Variants in ZNF346 observed in about 807,000 individuals in gnomAD.
The protein encoded by ZNF346 is zinc finger protein 346.
ZNF346 carries 23 observed loss-of-function variants against 33.7 expected under a neutral mutation model. That is an observed-to-expected ratio of 0.68 (90% CI 0.49 to 0.97). The LOEUF (loss-of-function observed/expected upper bound fraction) is 0.97, where lower values mean the gene tolerates loss of function less well. Among genes scored for constraint, ZNF346 ranks in the 50% least tolerant of loss-of-function variants. The pLI is 0.00. For missense variants in ZNF346, 340 were observed against 371.1 expected (o/e 0.92, Z 0.69); for synonymous variants, 134 against 142.4 (o/e 0.94, Z 0.42).
chr5:177,064,988 C>T lies in ZNF346; in HGVS notation c.*389C>T, dbSNP rs921266225. The T allele has an allele frequency of 1.7e-5, 3 of 173,886 alleles. No individual in the cohort carries two copies. Among genetic ancestry groups the T allele is most frequent in the Admixed American group, 6.1e-5 (1 of 16,466 alleles). The allele number at this position is 173,886 out of a possible 1,614,324, so 10.8% of individuals were successfully genotyped here. A position where few individuals can be genotyped will look rare whatever the true frequency, so the allele number is the denominator to read the frequency against. On this transcript the variant is annotated 3_prime_UTR_variant, in exon 7 of 7. Transcript: ENST00000358149. Reference sequence around the variant, plus strand: ...AGCAGAGATCTCTCTGGGCCCTAGACATTTCCAGCAAAACCTGGAACTTTC... The same window carrying T: ...AGCAGAGATCTCTCTGGGCCCTAGATATTTCCAGCAAAACCTGGAACTTTC...
At chr5:177,054,506 C>A (rs1562016164) in intron 5 of ZNF346, among the ~76,000 whole-genome samples, 1 of 152,116 alleles carries the variant, frequency 6.6e-6, no homozygotes, top group Non-Finnish European at 1.5e-5. Flanking sequence ...TCAAGCAATT[C>A]TCCTGCCTCA....
rs1203967630 is a variant in ZNF346, at chr5:177,065,411, G to A, written c.*812G>A. The A allele has an allele frequency of 2.0e-5, 3 of 152,662 alleles. No homozygotes were observed. Among genetic ancestry groups the A allele is most frequent in the Non-Finnish European group, 2.9e-5 (2 of 68,082 alleles). The allele number at this position is 152,662 out of a possible 1,614,324, so 9.5% of individuals were successfully genotyped here. On this transcript the variant is annotated 3_prime_UTR_variant, in exon 7 of 7. Coordinates refer to ENST00000358149, the MANE Select transcript of ZNF346 (RefSeq NM_012279.4). ...TGCCCCACATGCAAGTCTCCCTGAG[G>A]GTTCTGCCCCTAAAGGCAGACTGCC...
At chr5:177,042,603 C>T (rs1341626452) in intron 3 of ZNF346, among the ~76,000 whole-genome samples, 2 of 152,232 alleles carry the variant, frequency 1.3e-5, no homozygotes, top group Non-Finnish European at 2.9e-5. Context: ...CTATAGACTG[C>T]TACCTCCTAT....
intron 8 of ZNF346, among the ~76,000 whole-genome samples, chr5:177,075,168 A>G (rs1295811431): frequency 6.6e-6 from 1 of 152,030 alleles, no homozygotes; most frequent in African/African-American, 2.4e-5. Flanking sequence ...TGGGAGGCCA[A>G]AGCAGGTGGA....
chr5:177,036,518 C>T (rs974221780), intron 1 of ZNF346, among the ~76,000 whole-genome samples: 2 of 152,066 alleles, frequency 1.3e-5, no homozygotes, highest in South Asian at 2.1e-4. Context: ...ACCCTTCCCA[C>T]GAGGTCCTTT....
chr5:177,046,671 A>G (rs572347159), intron 4 of ZNF346, among the ~76,000 whole-genome samples: 1 of 152,330 alleles, frequency 6.6e-6, no homozygotes, highest in East Asian at 1.9e-4. Flanking sequence ...CCATTCACAG[A>G]TAAACACTGT....
At chr5:177,059,620 C>T (rs1405428430) in intron 5 of ZNF346, among the ~76,000 whole-genome samples, 1 of 152,234 alleles carries the variant, frequency 6.6e-6, no homozygotes, top group Non-Finnish European at 1.5e-5. Context: ...TCCTCTGCTT[C>T]ACCCCATTAC....
chr5:177,050,570 G>A (rs1183204552), intron 4 of ZNF346, 181 bp from the exon 5 acceptor site: 3 of 642,032 alleles, frequency 4.7e-6, no homozygotes, highest in Non-Finnish European at 8.2e-6. Flanking sequence ...GCATTCACCT[G>A]TGTGACTCAC....
Position 177,066,550 on chromosome 5 carries a change from T to C in ZNF346, c.*1951T>C, listed in dbSNP as rs1783180804. 6.6e-6 allele frequency among the ~76,000 whole-genome samples: 1 copy of C among 152,084 alleles called. No homozygotes were observed. Among genetic ancestry groups the C allele is most frequent in the Non-Finnish European group, 1.5e-5 (1 of 67,986 alleles). ...CCTGGTGATTCTTGAAAGAGCATTT[T>C]TCATGACTCAAAAATGAGCTGAGAA... On this transcript the variant is annotated 3_prime_UTR_variant, in exon 7 of 7. Transcript: ENST00000358149.
At chr5:177,031,940 T>C (rs916592287) in intron 1 of ZNF346, among the ~76,000 whole-genome samples, 1 of 151,992 alleles carries the variant, frequency 6.6e-6, no homozygotes, top group Non-Finnish European at 1.5e-5. Flanking sequence ...TTGTTTGTTT[T>C]ATTAGTAGCA....
chr5:177,080,510 G>A (rs1286313671), exon 9 of ZNF346: 5 of 152,174 alleles, frequency 3.3e-5, no homozygotes, highest in Non-Finnish European at 7.3e-5. Context: ...AGAGTTTTCG[G>A]GACTCAAACC....
Position 177,024,200 on chromosome 5 carries a change from C to CTTTTTTTTTTTTT in ZNF346, c.175+1295_175+1307dup, listed in dbSNP as rs781744965. ...CACACTATTTCTGGGGCCCTCTCTC[C>CTTTTTTTTTTTTT]TTTTTTTTTTTTTTTTTTTTGAGAG... On this transcript the variant is annotated intron_variant, in intron 1 of 6. Transcript: ENST00000358149. 2.3e-5 allele frequency among the ~76,000 whole-genome samples: 2 copies of CTTTTTTTTTTTTT among 86,900 alleles called. 1 individual carries two copies. 57.0% of individuals were successfully genotyped at this position (86,900 alleles called of 152,430 possible). A position where few individuals can be genotyped will look rare whatever the true frequency, so the allele number is the denominator to read the frequency against.
chr5:177,044,250 G>A (rs1049921557), intron 3 of ZNF346, 139 bp from the exon 4 acceptor site: 45 of 897,004 alleles, frequency 5.0e-5, no homozygotes, highest in Non-Finnish European at 6.9e-5. Context: ...AGTAGCTGGA[G>A]AAGAATCTAG....
At chr5:177,031,382 T>A (rs1777668079) in intron 1 of ZNF346, among the ~76,000 whole-genome samples, 1 of 152,256 alleles carries the variant, frequency 6.6e-6, no homozygotes, top group Non-Finnish European at 1.5e-5. Flanking sequence ...GAATTCTTAG[T>A]TGACATTTTT....
At chr5:177,061,956 C>G in intron 5 of ZNF346, 102 bp from the exon 6 acceptor site, 1 of 999,986 alleles carries the variant, frequency 1.0e-6, no homozygotes. Context: ...CACCTCGCCT[C>G]ACCTGTCCGT....
In ZNF346 at chr5:177,077,619, A is replaced by G. The variant is rs1783814358; in HGVS notation, c.*3-1763A>G. ...CTCCCATTGGCCCTCCCATGGTCAC[A>G]TGCTCATCTCTGACTTAATCACAAT... On this transcript the variant is annotated intron_variant, in intron 8 of 8. Coordinates refer to the ZNF346 transcript ENST00000503039. The surrounding 1 kb of genome is among the most constrained non-coding windows in gnomAD (Gnocchi z 5.0). 1.3e-5 allele frequency among the ~76,000 whole-genome samples: 2 copies of G among 152,164 alleles called. No homozygotes were observed. The highest frequency in any genetic ancestry group is 1.3e-4 in the Admixed American group (2 of 15,254).
At position 177,066,649 on chromosome 5, in the gene ZNF346, T is replaced by G. The variant is rs754559923; in HGVS notation, c.*2050T>G. On this transcript the variant is annotated 3_prime_UTR_variant, in exon 7 of 7. Coordinates refer to ENST00000358149, the MANE Select transcript of ZNF346 (RefSeq NM_012279.4). ...TCAGGAGGCTAAGGCAGAAAGACCATTCAAGCCCAGGAGTTCCAGCCTGAA... is the reference window on the plus strand; with the variant it reads ...TCAGGAGGCTAAGGCAGAAAGACCAGTCAAGCCCAGGAGTTCCAGCCTGAA... Among the ~76,000 whole-genome samples, 17 of 151,764 alleles carry G rather than the reference T, an allele frequency of 1.1e-4. No homozygotes were observed. Among genetic ancestry groups the G allele is most frequent in the African/African-American group, 3.1e-4 (13 of 41,274 alleles).
intron 1 of ZNF346, among the ~76,000 whole-genome samples, chr5:177,025,446 C>T (rs192504028): frequency 2.0e-5 from 3 of 151,564 alleles, no homozygotes; most frequent in East Asian, 3.9e-4. Flanking sequence ...TGGGTCATAT[C>T]GTAACTCTGA....
At chr5:177,078,740 G>A (rs765890351) in intron 8 of ZNF346, among the ~76,000 whole-genome samples, 12 of 150,376 alleles carry the variant, frequency 8.0e-5, no homozygotes, top group African/African-American at 2.5e-4. Flanking sequence ...GGTGATACCC[G>A]TCTCTACTAA....
Sources: allele counts gnomAD v4.1 joint callset (sites outside exome capture counted in the v4.1 genomes callset), GRCh38; gene constraint gnomAD v4.1.1; non-coding constraint Gnocchi (gnomAD v3.1); transcripts MANE v1.5; gene names NCBI Gene and HGNC (gene_info 2026-07-23, HGNC 2026-07-21).